MAGI1: variants seen among roughly 807,000 people sequenced by gnomAD.
MAGI1 encodes the protein membrane associated guanylate kinase, WW and PDZ domain containing 1.
MAGI1 carries 58 observed loss-of-function variants against 139.9 expected under a neutral mutation model. The observed-to-expected ratio is 0.41, with a 90% confidence interval of 0.34 to 0.52. The LOEUF (loss-of-function observed/expected upper bound fraction) is 0.52. MAGI1 is among the 20% of genes least tolerant of loss of function. The pLI, the probability that MAGI1 is intolerant of heterozygous loss-of-function variation, is 0.12. For missense variants in MAGI1, 1,874 were observed against 1,901.6 expected (o/e 0.99, Z 0.27); for synonymous variants, 812 against 737.9 (o/e 1.10, Z -1.63).
intron 1 of MAGI1, among the ~76,000 whole-genome samples, chr3:65,828,706 C>A (rs948294054): frequency 3.3e-5 from 5 of 152,278 alleles, no homozygotes; most frequent in African/African-American, 1.2e-4. Context: ...AAGGATTTTG[C>A]AATTTATGAT....
chr3:65,466,444 T>C (rs1950179642), intron 5 of MAGI1, among the ~76,000 whole-genome samples: 1 of 152,166 alleles, frequency 6.6e-6, no homozygotes, highest in African/African-American at 2.4e-5. Flanking sequence ...TTGGCTTTTG[T>C]TGACACCGGA....
chr3:65,375,762 C>A lies in MAGI1; in HGVS notation c.3179G>T (p.Arg1060Leu). Residue 1060 changes from arginine (R) to leucine (L), a missense_variant, in exon 18 of 23, where the codon CGC (arginine) becomes CTC (leucine). Arg to Leu is a moderately radical substitution (Grantham distance 102). Around this residue, in one of 5 missense-constraint regions of MAGI1, gnomAD observed 653 missense variants for 644.5 expected, o/e 1.01. Transcript: ENST00000402939. The part of the protein sequence containing the change: ...IKEAGNTVTL[R>L]IIPGDESSNA... ...TACTTTACCATCCCCAGGAATGATG[C>A]GGAGGGTAACTGTGTTTCCCGCTTC... 6.2e-7 allele frequency: 1 copy of A among 1,612,716 alleles called. No homozygotes were observed.
intron 1 of MAGI1, among the ~76,000 whole-genome samples, chr3:65,714,182 T>A (rs552794082): frequency 6.6e-6 from 1 of 152,290 alleles, no homozygotes; most frequent in South Asian, 2.1e-4. Flanking sequence ...AACTGGCAGT[T>A]ATTATCAATA....
chr3:65,531,636 G>C (rs1328659368), intron 2 of MAGI1, among the ~76,000 whole-genome samples: 4 of 152,074 alleles, frequency 2.6e-5, no homozygotes, highest in Non-Finnish European at 5.9e-5. Flanking sequence ...CAATTGCTCA[G>C]ATGAAGCACT....
At chr3:65,554,360 C>A (rs539243367) in intron 2 of MAGI1, among the ~76,000 whole-genome samples, 1 of 152,246 alleles carries the variant, frequency 6.6e-6, no homozygotes, top group Admixed American at 6.5e-5. Context: ...TGACAAGAGG[C>A]ACATCAGCTC....
chr3:65,798,423 G>A (rs1292556064), intron 1 of MAGI1, among the ~76,000 whole-genome samples: 1 of 152,142 alleles, frequency 6.6e-6, no homozygotes, highest in African/African-American at 2.4e-5. Context: ...CAGGACCCAT[G>A]GAGCAGACAT....
chr3:65,850,261 A>T (rs2059156732), intron 1 of MAGI1, among the ~76,000 whole-genome samples: 1 of 152,308 alleles, frequency 6.6e-6, no homozygotes, highest in South Asian at 2.1e-4. Context: ...TGCAGTATAC[A>T]AACTAGAATG....
intron 2 of MAGI1, among the ~76,000 whole-genome samples, chr3:65,543,286 T>C (rs1037847259): frequency 2.6e-5 from 4 of 152,046 alleles, no homozygotes; most frequent in African/African-American, 9.7e-5. Flanking sequence ...AACAGGAACA[T>C]TTTTACACTG....
At position 65,356,716 on chromosome 3, in the gene MAGI1, G is replaced by A. The variant is rs1056128601; in HGVS notation, c.4051C>T (p.Pro1351Ser). The A allele has an allele frequency of 3.1e-6, 5 of 1,593,542 alleles. No homozygotes were observed. In the African/African-American group the frequency reaches 6.7e-5, roughly 21 times the overall value. Residue 1351 changes from proline to serine, a missense_variant, in exon 23 of 23, where the codon CCG becomes TCG. Coordinates refer to ENST00000402939, the MANE Select transcript of MAGI1 (RefSeq NM_001033057.2). ...EKHEKRRDVS[P>S]ERRRERSPTR... is the part of the protein sequence containing the mutation. ...GGTGACCGCTCTCGCCTCCGCTCCG[G>A]AGAGACGTCTCGTCTCTTCTCGTGC...
chr3:65,420,333 C>A (rs1946550060), intron 12 of MAGI1, among the ~76,000 whole-genome samples: 1 of 152,070 alleles, frequency 6.6e-6, no homozygotes, highest in Non-Finnish European at 1.5e-5. Flanking sequence ...TGCTGGAATA[C>A]CGTTTCCTTC....
intron 1 of MAGI1, among the ~76,000 whole-genome samples, chr3:65,800,411 T>A (rs946386122): frequency 6.6e-6 from 1 of 152,162 alleles, no homozygotes; most frequent in Non-Finnish European, 1.5e-5. Context: ...TTTTAGTAAT[T>A]GTGAATTTCT....
chr3:65,529,842 T>C (rs2078559567), intron 2 of MAGI1, among the ~76,000 whole-genome samples: 1 of 152,108 alleles, frequency 6.6e-6, no homozygotes, highest in Non-Finnish European at 1.5e-5. Flanking sequence ...TACATAAATA[T>C]AATATACACA....
At chr3:66,000,176 C>A (rs1028237425) in intron 1 of MAGI1, among the ~76,000 whole-genome samples, 5 of 151,956 alleles carry the variant, frequency 3.3e-5, no homozygotes, top group African/African-American at 1.2e-4. Flanking sequence ...CAGGGTTTCA[C>A]CGTGTTAGCC....
chr3:65,356,706 C>T lies in MAGI1; in HGVS notation c.4061G>A (p.Arg1354Lys), dbSNP rs1940218849. ...EKRRDVSPER[R>K]RERSPTRRRD... ...CCTGCGGGTGGGTGACCGCTCTCGC[C>T]TCCGCTCCGGAGAGACGTCTCGTCT... The change falls in exon 23 of 23, where the codon AGG (arginine) becomes AAG (lysine). Residue 1354 changes from arginine (R) to lysine (K), a missense_variant. Physicochemically the swap from Arg to Lys is conservative, Grantham distance 26. This residue lies in a region of MAGI1 where 653 missense variants were observed against 644.5 expected (regional missense o/e 1.01). Transcript: ENST00000402939. 1 of 1,593,614 alleles carries T rather than the reference C, an allele frequency of 6.3e-7. No individual in the cohort carries two copies. Among genetic ancestry groups the T allele is most frequent in the Non-Finnish European group, 8.5e-7 (1 of 1,170,494 alleles).
intron 1 of MAGI1, among the ~76,000 whole-genome samples, chr3:65,897,342 G>A (rs1208889225): frequency 6.6e-6 from 1 of 151,616 alleles, no homozygotes. Context: ...CAGACCAGCT[G>A]AGGAAACACA....
intron 1 of MAGI1, among the ~76,000 whole-genome samples, chr3:65,837,150 T>C (rs1288805041): frequency 6.6e-6 from 1 of 152,060 alleles, no homozygotes; most frequent in African/African-American, 2.4e-5. Flanking sequence ...AGAACTTGCT[T>C]CTCCACGAAG....
chr3:65,726,670 C>T (rs1487140595), intron 1 of MAGI1, among the ~76,000 whole-genome samples: 2 of 152,110 alleles, frequency 1.3e-5, no homozygotes, highest in Non-Finnish European at 2.9e-5. Flanking sequence ...AGGACACCAT[C>T]CACAAGTGTG....
At chr3:65,818,548 G>T (rs1239563266) in intron 1 of MAGI1, among the ~76,000 whole-genome samples, 1 of 152,204 alleles carries the variant, frequency 6.6e-6, no homozygotes, top group Non-Finnish European at 1.5e-5. Flanking sequence ...GAGGGGCAGA[G>T]GGTAAGGAGT....
intron 1 of MAGI1, among the ~76,000 whole-genome samples, chr3:65,719,017 C>CAAAAAAAAAAAAAAAAAA (rs57290579): frequency 1.0e-5 from 1 of 96,390 alleles, no homozygotes; most frequent in Non-Finnish European, 2.1e-5. Context: ...ATAACCCTAC[C>CAAAAAAAAAAAAAAAAAA]AAAAAAAAAA....
Sources: gnomAD v4.1 joint callset for allele counts (sites outside exome capture counted in the v4.1 genomes callset) on GRCh38, gnomAD v4.1.1 for gene constraint, gnomAD v4.1.1 regional missense constraint, MANE v1.5 for transcripts, NCBI Gene and HGNC (gene_info 2026-07-23, HGNC 2026-07-21) for gene names.